The following DNMBP variants were observed in gnomAD, a reference collection of about 807,000 sequenced individuals.
DNMBP encodes the protein dynamin binding protein.
DNMBP carries 87 observed loss-of-function variants against 150.0 expected under a neutral mutation model. The observed-to-expected ratio is 0.58, with a 90% confidence interval of 0.49 to 0.69. The LOEUF is 0.69. Ranked by LOEUF, DNMBP falls within the 30% of genes least tolerant of loss-of-function variation. The pLI, the probability that DNMBP is intolerant of heterozygous loss-of-function variation, is 0.00. For missense variants in DNMBP, 1,774 were observed against 1,949.0 expected (o/e 0.91, Z 1.69); for synonymous variants, 711 against 750.4 (o/e 0.95, Z 0.86).
chr10:100,005,573 G>A (rs2041059171), intron 1 of DNMBP, among the ~76,000 whole-genome samples: 2 of 151,984 alleles, frequency 1.3e-5, no homozygotes, highest in Admixed American at 6.6e-5. Context: ...GGCCAACATG[G>A]TGAAACCCCG....
At chr10:99,919,692 C>A (rs1033019187) in intron 4 of DNMBP, among the ~76,000 whole-genome samples, 13 of 152,192 alleles carry the variant, frequency 8.5e-5, no homozygotes, top group Non-Finnish European at 1.6e-4. Context: ...GAGGCTGAGG[C>A]AGGAGAATCG....
rs543852882 is a variant in DNMBP at position 99,958,685 on chromosome 10, T to C, written c.269-1480A>G. Among the ~76,000 whole-genome samples, 9 of 152,374 alleles carry C rather than the reference T, an allele frequency of 5.9e-5. No homozygotes were observed. The South Asian group carries it at 1.9e-3, about 32-fold the overall frequency. On this transcript the variant is annotated intron_variant, in intron 3 of 16. Coordinates refer to ENST00000324109, the MANE Select transcript of DNMBP (RefSeq NM_015221.4). Reference sequence around the variant, plus strand: ...TCTTCTGATGAGATAGTAACAAATATGATTTTTTCACATTGTATGTTGAAA... The same window carrying C: ...TCTTCTGATGAGATAGTAACAAATACGATTTTTTCACATTGTATGTTGAAA...
At position 99,946,703 on chromosome 10, in the gene DNMBP, C is replaced by A. The variant is rs1292451289; in HGVS notation, c.2260+8511G>T. On this transcript the variant is annotated intron_variant, in intron 4 of 16. Coordinates refer to ENST00000324109, the MANE Select transcript of DNMBP (RefSeq NM_015221.4). ...CTCTTCTAGACATTGGCTTAGGCAA[C>A]CTGCAACAAAAACAAAAACTGACAA... Among the ~76,000 whole-genome samples, 15 of 151,974 alleles carry A rather than the reference C, an allele frequency of 9.9e-5. No individual in the cohort carries two copies. In the East Asian group the frequency reaches 1.7e-3, roughly 18 times the overall value.
At chr10:100,007,888 TATA>T (rs2133397944) in intron 1 of DNMBP, among the ~76,000 whole-genome samples, 1 of 152,400 alleles carries the variant, frequency 6.6e-6, no homozygotes, top group South Asian at 2.1e-4. Flanking sequence ...CCAGAGTGTG[TATA>T]ATAAGAAACT....
At chr10:99,998,088 A>T (rs904243006) in intron 1 of DNMBP, among the ~76,000 whole-genome samples, 5 of 151,474 alleles carry the variant, frequency 3.3e-5, no homozygotes, top group African/African-American at 1.2e-4. Flanking sequence ...ACAAAAAATT[A>T]GCCAGGCGTG....
Position 99,956,719 on chromosome 10 carries a change from T to C in DNMBP, c.755A>G (p.Tyr252Cys), listed in dbSNP as rs1487780061. The stretch of plus-strand genomic sequence containing the variant: ...ATTTGGCTCCAGGGCTTGGAATCTG[T>C]ACAGGGCGACCCCATAGGTCCCTGG... The part of the protein sequence containing the change: ...EEPGTYGVAL[Y>C]RFQALEPNEL... The change falls in exon 4 of 17, where the codon TAC (tyrosine) becomes TGC (cysteine). Residue 252 changes from tyrosine to cysteine, a missense_variant. Tyr to Cys is a radical substitution (Grantham distance 194, BLOSUM62 -2). Transcript: ENST00000324109. The C allele has an allele frequency of 2.5e-6, 4 of 1,614,122 alleles. No individual in the cohort carries two copies. Among genetic ancestry groups the C allele is most frequent in the Non-Finnish European group, 2.5e-6 (3 of 1,180,016 alleles).
chr10:99,986,723 C>G (rs1298840924), intron 1 of DNMBP, among the ~76,000 whole-genome samples: 1 of 149,760 alleles, frequency 6.7e-6, no homozygotes, highest in African/African-American at 2.5e-5. Flanking sequence ...GACATCCATA[C>G]AGTATATCAA....
At chr10:99,916,380 T>C (rs941649557) in intron 4 of DNMBP, among the ~76,000 whole-genome samples, 1 of 152,146 alleles carries the variant, frequency 6.6e-6, no homozygotes, top group Non-Finnish European at 1.5e-5. Flanking sequence ...GGAGAATCGC[T>C]GGAACCTGGG....
intron 1 of DNMBP, among the ~76,000 whole-genome samples, chr10:99,986,594 CAAAAAAAAAAAAAAAA>C (rs747726572): frequency 5.3e-4 from 39 of 74,172 alleles, no homozygotes; most frequent in African/African-American, 1.2e-3. Context: ...GACTCCGTCT[CAAAAAAAAAAAAAAAA>C]AAAAAAAAAA....
At chr10:99,897,964 C>T (rs1359084248) in intron 9 of DNMBP, 122 bp downstream of exon 9, 9 of 743,430 alleles carry the variant, frequency 1.2e-5, no homozygotes, top group Non-Finnish European at 2.1e-5. Context: ...ACCATTTCTT[C>T]ATCACAGCCC....
At chr10:99,950,439 C>G (rs187707500) in intron 4 of DNMBP, among the ~76,000 whole-genome samples, 1 of 152,026 alleles carries the variant, frequency 6.6e-6, no homozygotes, top group African/African-American at 2.4e-5. Context: ...GGGTAACAGG[C>G]GGAGGCTGGA....
chr10:99,934,589 TAAGA>T (rs2040202985), intron 4 of DNMBP, among the ~76,000 whole-genome samples: 2 of 134,756 alleles, frequency 1.5e-5, no homozygotes, highest in Non-Finnish European at 3.2e-5. Flanking sequence ...TTTTGGGTAA[TAAGA>T]ATAGGATTAC....
At chr10:99,904,121 G>A (rs912907226) in intron 6 of DNMBP, among the ~76,000 whole-genome samples, 5 of 152,074 alleles carry the variant, frequency 3.3e-5, no homozygotes, top group African/African-American at 1.2e-4. Flanking sequence ...TGGGTGTGGT[G>A]GTACGCATCT....
intron 4 of DNMBP, among the ~76,000 whole-genome samples, chr10:99,946,892 C>G (rs1000120424): frequency 2.0e-5 from 3 of 151,980 alleles, no homozygotes; most frequent in Admixed American, 2.0e-4. Flanking sequence ...AAACAACCCC[C>G]CTAAACACTG....
chr10:99,995,931 C>T (rs1032121238), intron 1 of DNMBP, among the ~76,000 whole-genome samples: 2 of 152,222 alleles, frequency 1.3e-5, no homozygotes, highest in Non-Finnish European at 2.9e-5. Context: ...TGCAAGGCCA[C>T]GTGGACACAT....
intron 1 of DNMBP, among the ~76,000 whole-genome samples, chr10:99,982,865 C>T (rs563120664): frequency 6.6e-6 from 1 of 151,862 alleles, no homozygotes; most frequent in Non-Finnish European, 1.5e-5. Flanking sequence ...TATGGGGGAG[C>T]AGCTCTGAGG....
chr10:99,971,098 G>C (rs1203918654), intron 2 of DNMBP, among the ~76,000 whole-genome samples: 4 of 151,958 alleles, frequency 2.6e-5, no homozygotes, highest in Admixed American at 2.0e-4. Context: ...CCTGGGAAGG[G>C]AAAGCGGGTG....
At chr10:99,977,211 G>A (rs1054396607) in intron 1 of DNMBP, among the ~76,000 whole-genome samples, 8 of 152,128 alleles carry the variant, frequency 5.3e-5, no homozygotes, top group Non-Finnish European at 1.0e-4. Flanking sequence ...TCACGGCCTC[G>A]CTAAATTACA....
rs2040494932 is a variant in DNMBP at position 99,956,301 on chromosome 10, C to T, written c.1173G>A (p.Glu391=). 4 of 1,613,596 alleles carry T rather than the reference C, an allele frequency of 2.5e-6. No individual in the cohort carries two copies. The highest frequency in any genetic ancestry group is 3.4e-6 in the Non-Finnish European group (4 of 1,179,946). The change falls in exon 4 of 17, where the codon GAG becomes GAA. Residue 391 remains glutamate, a synonymous_variant. Coordinates refer to ENST00000324109, the MANE Select transcript of DNMBP (RefSeq NM_015221.4). ...AGTCTGTGGCAAGAGGCATTTCCCA[C>T]TCCACGCCTGGGCTTCTCGGGGGCC... The part of the protein sequence containing the change: ...AGGPPRSPGV[E]WEMPLATDSP...
Sources: gnomAD v4.1 joint callset for allele counts (sites outside exome capture counted in the v4.1 genomes callset) on GRCh38, gnomAD v4.1.1 for gene constraint, MANE v1.5 for transcripts, NCBI Gene and HGNC (gene_info 2026-07-23, HGNC 2026-07-21) for gene names.